The following NRXN1 variants were observed in gnomAD, a reference collection of about 807,000 sequenced individuals.
NRXN1 encodes neurexin-1.
In NRXN1, 39 loss-of-function variants were observed where a neutral mutation model predicts 150.9. The observed-to-expected ratio is 0.26, with a 90% CI of 0.20 to 0.34. NRXN1 has a LOEUF of 0.34. NRXN1 is among the 10% of genes least tolerant of loss of function. The probability of loss-of-function intolerance (pLI) is 1.00; values close to 1 mark genes in which losing one functional copy is unlikely to be tolerated. For missense variants in NRXN1, 1,815 were observed against 1,949.9 expected, an observed-to-expected ratio of 0.93 and a Z score of 1.30; for synonymous variants, 924 against 757.0, an observed-to-expected ratio of 1.22 and a Z score of -3.62.
chr2:50,332,352 A>G (rs949446313), intron 17 of NRXN1, among the ~76,000 whole-genome samples: 3 of 152,196 alleles, frequency 2.0e-5, no homozygotes, highest in Non-Finnish European at 4.4e-5. Context: ...ATATAACAAA[A>G]ACCACACTTT....
intron 19 of NRXN1, among the ~76,000 whole-genome samples, chr2:50,065,796 A>G (rs941235739): frequency 3.3e-5 from 5 of 152,170 alleles, no homozygotes; most frequent in Admixed American, 6.5e-5. Flanking sequence ...CACTAACTTC[A>G]GTGCTTTTTG....
chr2:50,513,681 G>C (rs1283177183), intron 12 of NRXN1, among the ~76,000 whole-genome samples: 2 of 151,968 alleles, frequency 1.3e-5, no homozygotes, highest in Admixed American at 6.6e-5. Context: ...GGAAAATATA[G>C]TGAAGAGAAA....
At chr2:50,613,827 A>T (rs957083314) in intron 8 of NRXN1, among the ~76,000 whole-genome samples, 2 of 152,034 alleles carry the variant, frequency 1.3e-5, no homozygotes, top group African/African-American at 4.8e-5. Flanking sequence ...AGTCCCAGCT[A>T]CTCGGGAGGC....
intron 18 of NRXN1, among the ~76,000 whole-genome samples, chr2:50,116,893 G>A (rs183247180): frequency 9.3e-4 from 142 of 152,202 alleles, no homozygotes; most frequent in African/African-American, 3.2e-3. Context: ...GTTTTCCTGA[G>A]ATGCGACCAA....
intron 2 of NRXN1, chr2:51,026,601 A>T: frequency 4.6e-6 from 3 of 657,290 alleles, no homozygotes; most frequent in Non-Finnish European, 8.1e-6. Context: ...GAATATCCTT[A>T]GAAAATCTCT....
rs137989486 is a variant in NRXN1 at position 50,613,897 on chromosome 2, C to G, written c.1320+6125G>C. ...AGCTTGCAGTAAGCCAAGATCATGC[C>G]ACTGCACTCCAGCCTGGGTTCATAT... is the stretch of plus-strand genomic sequence containing the variant. On this transcript the variant is annotated intron_variant, in intron 8 of 22. Transcript: ENST00000401669. Among the ~76,000 whole-genome samples the G allele has an allele frequency of 2.9e-3, 439 of 152,244 alleles. 1 individual carries two copies. The highest frequency in any genetic ancestry group is 9.5e-3 in the African/African-American group (395 of 41,534).
At chr2:50,582,884 T>TG (rs1336818672) in intron 8 of NRXN1, among the ~76,000 whole-genome samples, 2 of 152,116 alleles carry the variant, frequency 1.3e-5, no homozygotes, top group African/African-American at 4.8e-5. Context: ...ACTTCACAGC[T>TG]GTCACTCACT....
At chr2:50,835,131 C>A (rs960591546) in intron 5 of NRXN1, among the ~76,000 whole-genome samples, 6 of 152,136 alleles carry the variant, frequency 3.9e-5, no homozygotes. Flanking sequence ...TCTTCTACCT[C>A]GTAGGTTCAC....
chr2:50,628,781 T>C lies in NRXN1; in HGVS notation c.833-5166A>G, dbSNP rs563207594. On this transcript the variant is annotated intron_variant, in intron 5 of 22. Coordinates refer to ENST00000401669, the MANE Select transcript of NRXN1 (RefSeq NM_001330078.2). ...CCACGTAAATGTCAATAAATACTTA[T>C]ATCTAGGATACAAAGAGACCTCTTA... Among the ~76,000 whole-genome samples the C allele has an allele frequency of 2.0e-4, 30 of 151,670 alleles. 1 individual carries two copies. The highest frequency in any genetic ancestry group is 3.5e-4 in the Non-Finnish European group (24 of 67,672).
chr2:50,957,549 T>C (rs958241511), intron 2 of NRXN1, among the ~76,000 whole-genome samples: 1 of 152,016 alleles, frequency 6.6e-6, no homozygotes, highest in Non-Finnish European at 1.5e-5. Flanking sequence ...AGCTGACAAA[T>C]CCTTAAAGAA....
chr2:50,300,701 T>C (rs2074066542), intron 17 of NRXN1, among the ~76,000 whole-genome samples: 1 of 152,114 alleles, frequency 6.6e-6, no homozygotes, highest in South Asian at 2.1e-4. Flanking sequence ...CATCTTGTTT[T>C]TGTTTTTGTT....
intron 5 of NRXN1, chr2:50,917,412 T>C (rs1285002778): frequency 1.3e-5 from 2 of 151,770 alleles, no homozygotes; most frequent in African/African-American, 2.4e-5. Flanking sequence ...CTGGAAGTTG[T>C]GCACTTCACA....
intron 5 of NRXN1, among the ~76,000 whole-genome samples, chr2:50,646,495 C>T (rs1684829937): frequency 6.6e-6 from 1 of 151,954 alleles, no homozygotes; most frequent in African/African-American, 2.4e-5. Context: ...TTTACAAATG[C>T]ACTGTGATAT....
intron 17 of NRXN1, among the ~76,000 whole-genome samples, chr2:50,462,806 C>A: frequency 6.6e-6 from 1 of 151,908 alleles, no homozygotes; most frequent in Non-Finnish European, 1.5e-5. Context: ...GTATTCCCAT[C>A]TTCCCATTGT....
intron 5 of NRXN1, among the ~76,000 whole-genome samples, chr2:50,767,067 A>T (rs545119200): frequency 6.6e-6 from 1 of 152,072 alleles, no homozygotes; most frequent in Non-Finnish European, 1.5e-5. Context: ...AAGTCAGTTA[A>T]TTACAAGGAG....
chr2:50,976,688 TA>T (rs1210024336), intron 2 of NRXN1, among the ~76,000 whole-genome samples: 1 of 151,926 alleles, frequency 6.6e-6, no homozygotes, highest in Non-Finnish European at 1.5e-5. Context: ...TAACCATGTG[TA>T]CATTTCAGTA....
At position 51,027,587 on chromosome 2, in the gene NRXN1, G is replaced by A. The variant is rs763676821; in HGVS notation, c.687C>T (p.Leu229=). The change falls in exon 2 of 23, where the codon CTC becomes CTT. Residue 229 remains leucine (L), a synonymous_variant. Coordinates refer to ENST00000401669, the MANE Select transcript of NRXN1 (RefSeq NM_001330078.2). ...AGEEGEGGVC[L]NGGVCSVVDD... is the part of the protein sequence containing the mutation. ...CCACCACGGAGCACACACCTCCGTTGAGGCACACCCCGCCCTCGCCCTCCT... is the reference window on the plus strand; with the variant it reads ...CCACCACGGAGCACACACCTCCGTTAAGGCACACCCCGCCCTCGCCCTCCT... The A allele has an allele frequency of 3.1e-6, 5 of 1,607,696 alleles. No individual in the cohort carries two copies. The highest frequency in any genetic ancestry group is 3.4e-6 in the Non-Finnish European group (4 of 1,176,634).
chr2:51,008,700 CTAACA>C (rs1667406349), intron 2 of NRXN1, among the ~76,000 whole-genome samples: 1 of 151,486 alleles, frequency 6.6e-6, no homozygotes, highest in South Asian at 2.1e-4. Context: ...TAATAATTTC[CTAACA>C]TAACATTTTA....
intron 2 of NRXN1, among the ~76,000 whole-genome samples, chr2:50,968,140 T>C (rs569038134): frequency 1.3e-5 from 2 of 152,048 alleles, no homozygotes; most frequent in Non-Finnish European, 2.9e-5. Context: ...GCAAAACTTT[T>C]CAGAAAGTTT....
Sources: gnomAD v4.1 joint callset for allele counts (sites outside exome capture counted in the v4.1 genomes callset) on GRCh38, gnomAD v4.1.1 for gene constraint, MANE v1.5 for transcripts, NCBI Gene and HGNC (gene_info 2026-07-23, HGNC 2026-07-21) for gene names.